The following LINGO2 variants were observed in gnomAD, a reference collection of about 807,000 sequenced individuals.
The protein encoded by LINGO2 is leucine-rich repeat and immunoglobulin-like domain-containing nogo receptor-interacting protein 2.
LINGO2 carries 14 observed loss-of-function variants against 30.6 expected under a neutral mutation model. The ratio of observed to expected loss-of-function variants is 0.46; its 90% CI spans 0.30 to 0.72. The LOEUF is 0.72. Among genes scored for constraint, LINGO2 ranks in the 30% least tolerant of loss-of-function variants. The probability of loss-of-function intolerance (pLI) is 0.07; values close to 1 mark genes in which losing one functional copy is unlikely to be tolerated. For missense variants in LINGO2, 729 were observed against 751.7 expected (o/e 0.97, Z 0.35); for synonymous variants, 317 against 288.5 (o/e 1.10, Z -1.00).
chr9:28,063,678 A>G (rs1025695550), intron 4 of LINGO2, among the ~76,000 whole-genome samples: 1 of 152,050 alleles, frequency 6.6e-6, no homozygotes, highest in African/African-American at 2.4e-5. Flanking sequence ...ATCATGTTAC[A>G]TTTTCCACTC....
chr9:29,100,042 A>G, the LINGO2 span, among the ~76,000 whole-genome samples: 1 of 152,222 alleles, frequency 6.6e-6, no homozygotes, highest in African/African-American at 2.4e-5. Flanking sequence ...AATACTATTC[A>G]GCCATAAAAA....
the LINGO2 span, among the ~76,000 whole-genome samples, chr9:28,745,720 A>G: frequency 6.6e-5 from 10 of 152,206 alleles, no homozygotes; most frequent in East Asian, 1.9e-3. Context: ...AAATCAAGAA[A>G]CCAAGGTCAG....
chr9:28,820,706 G>A, the LINGO2 span, among the ~76,000 whole-genome samples: 3 of 152,196 alleles, frequency 2.0e-5, no homozygotes, highest in Non-Finnish European at 4.4e-5. Flanking sequence ...CAGTCCTGGG[G>A]CCATTGTTAA....
At chr9:28,424,479 A>G (rs571915951) in intron 2 of LINGO2, among the ~76,000 whole-genome samples, 18 of 152,162 alleles carry the variant, frequency 1.2e-4, no homozygotes, top group African/African-American at 4.1e-4. Context: ...CACAACAACT[A>G]ACAGCACATA....
chr9:29,049,534 T>C, the LINGO2 span, among the ~76,000 whole-genome samples: 1 of 152,100 alleles, frequency 6.6e-6, no homozygotes. Flanking sequence ...ACAACTAAGA[T>C]TTGGAAGCAA....
At chr9:28,959,378 G>A in the LINGO2 span, among the ~76,000 whole-genome samples, 2 of 151,886 alleles carry the variant, frequency 1.3e-5, no homozygotes, top group African/African-American at 4.8e-5. Flanking sequence ...GATCAGAGGT[G>A]AGGTCTAGAT....
At chr9:28,499,301 C>T (rs1380894583) in intron 1 of LINGO2, among the ~76,000 whole-genome samples, 3 of 152,114 alleles carry the variant, frequency 2.0e-5, no homozygotes, top group South Asian at 2.1e-4. Context: ...CTCAGTCAGA[C>T]CTACCTGGGG....
the LINGO2 span, among the ~76,000 whole-genome samples, chr9:28,689,555 C>A: frequency 2.6e-5 from 4 of 151,924 alleles, no homozygotes; most frequent in Non-Finnish European, 5.9e-5. Context: ...AGTTAAAAAA[C>A]AACAGATGCT....
chr9:28,241,748 G>A (rs528966889), intron 4 of LINGO2, among the ~76,000 whole-genome samples: 10 of 152,242 alleles, frequency 6.6e-5, no homozygotes, highest in Admixed American at 1.3e-4. Flanking sequence ...ACTCCTCAAG[G>A]CCAGAGATCC....
the LINGO2 span, among the ~76,000 whole-genome samples, chr9:28,927,449 A>G: frequency 1.3e-5 from 2 of 152,206 alleles, no homozygotes; most frequent in African/African-American, 4.8e-5. Flanking sequence ...CCTTAGATGA[A>G]GAGCTAATCT....
At chr9:28,003,716 C>A (rs1281459509) in intron 5 of LINGO2, among the ~76,000 whole-genome samples, 2 of 152,174 alleles carry the variant, frequency 1.3e-5, no homozygotes, top group Non-Finnish European at 2.9e-5. Context: ...CCGCCTTGGC[C>A]TCCCAGTTGA....
chr9:28,505,387 A>G (rs188927226), intron 1 of LINGO2, among the ~76,000 whole-genome samples: 30 of 151,992 alleles, frequency 2.0e-4, no homozygotes, highest in African/African-American at 5.3e-4. Flanking sequence ...GGGTTAGACA[A>G]ATGAGGGTAA....
chr9:28,699,033 C>T, the LINGO2 span, among the ~76,000 whole-genome samples: 13 of 137,214 alleles, frequency 9.5e-5, no homozygotes, highest in African/African-American at 2.6e-4. Flanking sequence ...GAGAATGAGA[C>T]CCTGCCTCAA....
chr9:28,110,835 T>C (rs1277649828), intron 4 of LINGO2, among the ~76,000 whole-genome samples: 1 of 152,182 alleles, frequency 6.6e-6, no homozygotes, highest in Admixed American at 6.5e-5. Flanking sequence ...TGGCGATTCC[T>C]CAAGGATCTA....
At chr9:28,454,467 G>A (rs751260504) in intron 2 of LINGO2, among the ~76,000 whole-genome samples, 18 of 151,862 alleles carry the variant, frequency 1.2e-4, no homozygotes, top group Non-Finnish European at 2.7e-4. Context: ...TGAGTATATA[G>A]GCAACAGATA....
chr9:27,998,131 C>T (rs535175511), intron 5 of LINGO2, among the ~76,000 whole-genome samples: 1 of 152,120 alleles, frequency 6.6e-6, no homozygotes, highest in African/African-American at 2.4e-5. Context: ...AGGTCTGTTT[C>T]TCTTGCTACT....
chr9:29,188,066 A>AG, the LINGO2 span, among the ~76,000 whole-genome samples: 8 of 102,376 alleles, frequency 7.8e-5, no homozygotes, highest in Admixed American at 4.1e-4. Context: ...TTTCTCGCAG[A>AG]GGGGGATTTG....
At chr9:28,502,131 G>C (rs5897303) in intron 1 of LINGO2, among the ~76,000 whole-genome samples, 2 of 147,028 alleles carry the variant, frequency 1.4e-5, no homozygotes, top group Non-Finnish European at 3.0e-5. Flanking sequence ...GAGAAACACA[G>C]ACACACACAC....
chr9:28,284,072 G>A (rs937582389), intron 4 of LINGO2, among the ~76,000 whole-genome samples: 1 of 152,164 alleles, frequency 6.6e-6, no homozygotes, highest in African/African-American at 2.4e-5. Context: ...GCATGACTCT[G>A]CTTGGCTTTC....
Sources: gnomAD v4.1 joint callset for allele counts (sites outside exome capture counted in the v4.1 genomes callset) on GRCh38, gnomAD v4.1.1 for gene constraint, MANE v1.5 for transcripts, NCBI Gene and HGNC (gene_info 2026-07-23, HGNC 2026-07-21) for gene names.